Variants in PLCG1 observed in about 807,000 individuals in gnomAD.
PLCG1 encodes the protein phospholipase C gamma 1.
Under a neutral mutation model 177.8 loss-of-function variants are expected in PLCG1, and 71 were observed. The ratio of observed to expected loss-of-function variants is 0.40; its 90% CI spans 0.33 to 0.49. The LOEUF (loss-of-function observed/expected upper bound fraction) is 0.49, where lower values mean the gene tolerates loss of function less well. Ranked by LOEUF, PLCG1 falls within the 20% of genes least tolerant of loss-of-function variation. PLCG1 has a pLI of 0.72. For synonymous variants in PLCG1, 658 were observed against 647.9 expected, an observed-to-expected ratio of 1.02 and a Z score of -0.24; for missense variants, 1,281 against 1,709.0, an observed-to-expected ratio of 0.75 and a Z score of 4.42.
intron 22 of PLCG1, 121 bp from the exon 23 acceptor site, chr20:41,169,335 CT>C: frequency 1.1e-6 from 1 of 944,732 alleles, no homozygotes; most frequent in Non-Finnish European, 1.7e-6. Context: ...TCCCATATAC[CT>C]GTGCTACATT....
rs1297146533 is a variant in PLCG1 at position 41,160,504 on chromosome 20, C to T, written c.512+351C>T. Among the ~76,000 whole-genome samples the T allele has an allele frequency of 6.6e-6, 1 of 152,036 alleles. No individual in the cohort carries two copies. Among genetic ancestry groups the T allele is most frequent in the East Asian group, 1.9e-4 (1 of 5,188 alleles). Reference sequence around the variant, plus strand: ...GACCTGGTATGGCAGCCAGAGGGGCCAAGGAGAGAAGGGGGAGCAAAGACC... The same window carrying T: ...GACCTGGTATGGCAGCCAGAGGGGCTAAGGAGAGAAGGGGGAGCAAAGACC... On this transcript the variant is annotated intron_variant, in intron 4 of 31. Transcript: ENST00000685551. The surrounding 1 kb of genome is among the most constrained non-coding windows in gnomAD (Gnocchi z 5.5).
chr20:41,163,987 G>A lies in PLCG1; in HGVS notation c.1077G>A (p.Met359Ile). Residue 359 changes from methionine to isoleucine, a missense_variant, in exon 11 of 32, where the codon ATG becomes ATA. Coordinates refer to ENST00000685551, the MANE Select transcript of PLCG1 (RefSeq NM_002660.3). The surrounding 1 kb of genome is among the most constrained non-coding windows in gnomAD (Gnocchi z 5.2). ...SLEAYARCLRMGCRCIELDCW... is the reference protein window; with the variant it reads ...SLEAYARCLRIGCRCIELDCW... ...AAGCCTATGCTCGCTGCCTGCGGAT[G>A]GGCTGTCGCTGCATTGAGTGTGCGT... 6.2e-7 allele frequency: 1 copy of A among 1,614,204 alleles called. No homozygotes were observed. The highest frequency in any genetic ancestry group is 2.2e-5 in the East Asian group (1 of 44,884).
chr20:41,143,219 G>T (rs963775694), intron 1 of PLCG1, among the ~76,000 whole-genome samples: 2 of 152,180 alleles, frequency 1.3e-5, no homozygotes, highest in Non-Finnish European at 2.9e-5. Flanking sequence ...GCCTCGATGT[G>T]GTAGGGCCTG....
chr20:41,167,986 C>A lies in PLCG1; in HGVS notation c.2379+57C>A, dbSNP rs1038902751. 5.9e-6 allele frequency: 7 copies of A among 1,189,334 alleles called. No homozygotes were observed. Among genetic ancestry groups the A allele is most frequent in the Non-Finnish European group, 8.8e-6 (7 of 796,468 alleles). 73.7% of individuals were successfully genotyped at this position (1,189,334 alleles called of 1,614,324 possible). A position where few individuals can be genotyped will look rare whatever the true frequency, so the allele number is the denominator to read the frequency against. On this transcript the variant is annotated intron_variant, in intron 20 of 31. Transcript: ENST00000685551. The surrounding 1 kb of genome is among the most constrained non-coding windows in gnomAD (Gnocchi z 4.4). ...GGGGAGGGTCCCCAGCTGCTTGGGGCTTCATTTCTGTGTTCTGGGCCATCT... is the reference window on the plus strand; with the variant it reads ...GGGGAGGGTCCCCAGCTGCTTGGGGATTCATTTCTGTGTTCTGGGCCATCT...
In PLCG1 at chr20:41,163,032, C is replaced by T. The variant is rs1458324614; in HGVS notation, c.716+40C>T. On this transcript the variant is annotated intron_variant, in intron 7 of 31. Transcript: ENST00000685551. This position sits in a 1 kb window ranked among gnomAD's most constrained non-coding sequence, Gnocchi z 5.2. ...GGGGAGGTGGGGTTTTCCCTGGGCC[C>T]CCTTCATCTCTCCACTGGGCGATTC... is the stretch of plus-strand genomic sequence containing the variant. The T allele has an allele frequency of 5.0e-6, 8 of 1,599,968 alleles. No homozygotes were observed. The Admixed American group carries it at 6.7e-5, about 13-fold the overall frequency.
rs2035715419 is a variant in PLCG1, at chr20:41,166,919, C to G, written c.2301+60C>G. On this transcript the variant is annotated intron_variant, in intron 19 of 31. Coordinates refer to ENST00000685551, the MANE Select transcript of PLCG1 (RefSeq NM_002660.3). This position sits in a 1 kb window ranked among gnomAD's most constrained non-coding sequence, Gnocchi z 8.6. Reference sequence around the variant, plus strand: ...GAGGCAGGAGAGACCCAGAATCTTACCAGTCTCTGGATGTGTGTAACAGCA... The same window carrying G: ...GAGGCAGGAGAGACCCAGAATCTTAGCAGTCTCTGGATGTGTGTAACAGCA... The G allele has an allele frequency of 2.7e-6, 4 of 1,485,088 alleles. No homozygotes were observed. The highest frequency in any genetic ancestry group is 3.7e-6 in the Non-Finnish European group (4 of 1,067,212). The allele number at this position is 1,485,088 out of a possible 1,614,324, so 92.0% of individuals were successfully genotyped here. A position where few individuals can be genotyped will look rare whatever the true frequency, so the allele number is the denominator to read the frequency against.
At position 41,164,226 on chromosome 20, in the gene PLCG1, G is replaced by A. The variant is rs749351221; in HGVS notation, c.1217+25G>A. The A allele has an allele frequency of 6.2e-7, 1 of 1,613,256 alleles. No homozygotes were observed. The highest frequency in any genetic ancestry group is 1.1e-5 in the South Asian group (1 of 91,026). ...AGTGAGTCGGAGGCTGGATGACCCA[G>A]GGGTTAACTTGGCTCCAGGTCTCTC... On this transcript the variant is annotated intron_variant, in intron 12 of 31. Coordinates refer to ENST00000685551, the MANE Select transcript of PLCG1 (RefSeq NM_002660.3). The surrounding 1 kb of genome is among the most constrained non-coding windows in gnomAD (Gnocchi z 6.4).
At position 41,170,664 on chromosome 20, in the gene PLCG1, C is replaced by T. The variant is rs193279067; in HGVS notation, c.2808+395C>T. The T allele has an allele frequency of 1.7e-3, 287 of 168,994 alleles. 1 individual carries two copies. Among genetic ancestry groups the T allele is most frequent in the Middle Eastern group, 2.6e-3 (1 of 384 alleles). 10.5% of individuals were successfully genotyped at this position (168,994 alleles called of 1,614,324 possible). On this transcript the variant is annotated intron_variant, in intron 24 of 31. Transcript: ENST00000685551. ...GAAGCTCCATATGAGAAGGCATGGG[C>T]GAGGAAAGGAGCCCAGGAAAGGCAG... is the stretch of plus-strand genomic sequence containing the variant.
At position 41,149,314 on chromosome 20, in the gene PLCG1, A is replaced by G. The variant is rs35371372; in HGVS notation, c.218-10292A>G. Among the ~76,000 whole-genome samples, 1,695 of 152,240 alleles carry G rather than the reference A, an allele frequency of 0.011. 192 individuals are homozygous for G. The East Asian group carries it at 0.26, about 23-fold the overall frequency. On this transcript the variant is annotated intron_variant, in intron 1 of 31. Transcript: ENST00000685551. ...GTATCTAGTTTAATGTCTCTCATGT[A>G]GGTGCTCAGAACGTATGGTTAATTT... is the stretch of plus-strand genomic sequence containing the variant.
At position 41,172,498 on chromosome 20, in the gene PLCG1, G is replaced by A; in HGVS notation, c.2983G>A (p.Ala995Thr). ...ETKAEKYVNKAKGKKFLQYNR... is the reference protein window; with the variant it reads ...ETKAEKYVNKTKGKKFLQYNR... ...CAAGGCTGAGAAATACGTGAACAAGGCCAAAGGCAAGAAGTTCCTTCAGTA... is the reference window on the plus strand; with the variant it reads ...CAAGGCTGAGAAATACGTGAACAAGACCAAAGGCAAGAAGTTCCTTCAGTA... The change falls in exon 26 of 32, where the codon GCC becomes ACC. Residue 995 changes from alanine (A) to threonine (T), a missense_variant. Physicochemically the swap from Ala to Thr is moderately conservative, Grantham distance 58. Around this residue, in one of 4 missense-constraint regions of PLCG1, gnomAD observed 723 missense variants for 1,030.0 expected, o/e 0.70. Coordinates refer to ENST00000685551, the MANE Select transcript of PLCG1 (RefSeq NM_002660.3). This position sits in a 1 kb window ranked among gnomAD's most constrained non-coding sequence, Gnocchi z 7.0. The A allele has an allele frequency of 6.2e-7, 1 of 1,614,174 alleles. No homozygotes were observed.
At position 41,174,822 on chromosome 20, in the gene PLCG1, GGA is replaced by G. The variant is rs1400819535; in HGVS notation, c.*321_*322del. 6.4e-5 allele frequency: 24 copies of G among 372,244 alleles called. No individual in the cohort carries two copies. The Admixed American group carries it at 1.0e-3, about 16-fold the overall frequency. 23.1% of individuals were successfully genotyped at this position (372,244 alleles called of 1,614,324 possible). On this transcript the variant is annotated 3_prime_UTR_variant, in exon 32 of 32. Coordinates refer to ENST00000685551, the MANE Select transcript of PLCG1 (RefSeq NM_002660.3). The surrounding 1 kb of genome is among the most constrained non-coding windows in gnomAD (Gnocchi z 5.8). ...GCCAGGACCATGGCCGAAGCCCCTTGGAGAGAGAGGCTGCCTCAGCCAGTGGC... is the reference window on the plus strand; with the variant it reads ...GCCAGGACCATGGCCGAAGCCCCTTGGAGAGAGGCTGCCTCAGCCAGTGGC...
rs1012963254 is a variant in PLCG1 at position 41,165,204 on chromosome 20, G to A, written c.1387-41G>A. ...AAACCTGGGTGAGGAGGTGGGGTGAGGACTGGGGTCTGCATTGCCCTGTTC... is the reference window on the plus strand; with the variant it reads ...AAACCTGGGTGAGGAGGTGGGGTGAAGACTGGGGTCTGCATTGCCCTGTTC... On this transcript the variant is annotated intron_variant, in intron 13 of 31. Transcript: ENST00000685551. This position sits in a 1 kb window ranked among gnomAD's most constrained non-coding sequence, Gnocchi z 6.6. The A allele has an allele frequency of 1.2e-6, 2 of 1,611,792 alleles. No homozygotes were observed. The highest frequency in any genetic ancestry group is 1.7e-6 in the Non-Finnish European group (2 of 1,178,776).
chr20:41,174,679 T>C lies in PLCG1; in HGVS notation c.*170T>C, dbSNP rs2036009088. On this transcript the variant is annotated 3_prime_UTR_variant, in exon 32 of 32. Coordinates refer to ENST00000685551, the MANE Select transcript of PLCG1 (RefSeq NM_002660.3). The surrounding 1 kb of genome is among the most constrained non-coding windows in gnomAD (Gnocchi z 5.8). The stretch of plus-strand genomic sequence containing the variant: ...AAACCAAGCCATTAATGAGATGTTA[T>C]TACTGTTTTGGGCCTCCATGCCCCA... 1 of 646,120 alleles carries C rather than the reference T, an allele frequency of 1.5e-6. No homozygotes were observed. The highest frequency in any genetic ancestry group is 2.7e-6 in the Non-Finnish European group (1 of 364,250). The allele number at this position is 646,120 out of a possible 1,614,324, so 40.0% of individuals were successfully genotyped here.
intron 1 of PLCG1, among the ~76,000 whole-genome samples, chr20:41,152,474 C>T (rs1278396518): frequency 1.3e-5 from 2 of 152,252 alleles, no homozygotes; most frequent in African/African-American, 2.4e-5. Flanking sequence ...ACCTCACTGA[C>T]CACTGCATTT....
Position 41,144,634 on chromosome 20 carries a change from C to G in PLCG1, c.217+6776C>G, listed in dbSNP as rs1184625511. 1.3e-5 allele frequency among the ~76,000 whole-genome samples: 2 copies of G among 152,230 alleles called. No individual in the cohort carries two copies. Among genetic ancestry groups the G allele is most frequent in the African/African-American group, 4.8e-5 (2 of 41,440 alleles). On this transcript the variant is annotated intron_variant, in intron 1 of 31. Coordinates refer to ENST00000685551, the MANE Select transcript of PLCG1 (RefSeq NM_002660.3). This position sits in a 1 kb window ranked among gnomAD's most constrained non-coding sequence, Gnocchi z 4.1. ...CTACAGAACATGGGAACCTGGGGCT[C>G]CATGCCCCAAATATCCTGAGAAGGG...
chr20:41,159,769 AG>A lies in PLCG1; in HGVS notation c.370+16del, dbSNP rs756455045. On this transcript the variant is annotated intron_variant, in intron 2 of 31. Coordinates refer to ENST00000685551, the MANE Select transcript of PLCG1 (RefSeq NM_002660.3). This position sits in a 1 kb window ranked among gnomAD's most constrained non-coding sequence, Gnocchi z 6.0. ...CGCTGAGCCTGCAAGGTGGGAGTTA[AG>A]GGGGTAGAGGAGGTAGAGGATAGTT... is the stretch of plus-strand genomic sequence containing the variant. The A allele has an allele frequency of 6.2e-7, 1 of 1,614,154 alleles. No homozygotes were observed. The highest frequency in any genetic ancestry group is 1.1e-5 in the South Asian group (1 of 91,080).
At position 41,165,416 on chromosome 20, in the gene PLCG1, C is replaced by T. The variant is rs1216817235; in HGVS notation, c.1510-34C>T. The T allele has an allele frequency of 3.1e-6, 5 of 1,613,468 alleles. No individual in the cohort carries two copies. In the African/African-American group the frequency reaches 4.0e-5, roughly 13 times the overall value. On this transcript the variant is annotated intron_variant, in intron 14 of 31. Coordinates refer to ENST00000685551, the MANE Select transcript of PLCG1 (RefSeq NM_002660.3). This position sits in a 1 kb window ranked among gnomAD's most constrained non-coding sequence, Gnocchi z 6.6. ...GTGGTAGGCCAGTGGGTGTGAGGAC[C>T]CTGGCTCACAAGTCCCTCTTTGGTC...
In PLCG1 at chr20:41,174,248, C is replaced by T. The variant is rs1035095665; in HGVS notation, c.3770C>T (p.Pro1257Leu). 1.2e-5 allele frequency: 20 copies of T among 1,614,080 alleles called. No homozygotes were observed. The highest frequency in any genetic ancestry group is 3.3e-5 in the Admixed American group (2 of 60,010). The change falls in exon 31 of 32, where the codon CCG becomes CTG. Residue 1257 changes from proline (P) to leucine (L), a missense_variant. This residue lies in a region of PLCG1 where 153 missense variants were observed against 153.2 expected (regional missense o/e 1.00). Coordinates refer to ENST00000685551, the MANE Select transcript of PLCG1 (RefSeq NM_002660.3). The surrounding 1 kb of genome is among the most constrained non-coding windows in gnomAD (Gnocchi z 5.8). ...EGSFESRYQQ[P>L]FEDFRISQEH... ...TCCTTTGAATCCCGCTACCAGCAGC[C>T]GTTTGAGGACTTCCGCATCTCCCAG...
chr20:41,168,811 C>CCTTCACCAA lies in PLCG1; in HGVS notation c.2424_2425insCTTCACCAA (p.Asp808_Glu809insLeuHisGln). 6.2e-7 allele frequency: 1 copy of CCTTCACCAA among 1,612,752 alleles called. No individual in the cohort carries two copies. Among genetic ancestry groups the CCTTCACCAA allele is most frequent in the Non-Finnish European group, 8.5e-7 (1 of 1,179,360 alleles). On this transcript the variant is annotated inframe_insertion, in exon 21 of 32. Coordinates refer to ENST00000685551, the MANE Select transcript of PLCG1 (RefSeq NM_002660.3). Reference sequence around the variant, plus strand: ...TTGACTACAAGGCCCAGAGGGAGGACGAGCTGACCTTCATCAAGAGCGCCA... The same window carrying CCTTCACCAA: ...TTGACTACAAGGCCCAGAGGGAGGACCTTCACCAAGAGCTGACCTTCATCAAGAGCGCCA...
Sources: allele counts gnomAD v4.1 joint callset (sites outside exome capture counted in the v4.1 genomes callset), GRCh38; gene constraint gnomAD v4.1.1; regional missense constraint gnomAD v4.1.1; non-coding constraint Gnocchi (gnomAD v3.1); transcripts MANE v1.5; gene names NCBI Gene and HGNC (gene_info 2026-07-23, HGNC 2026-07-21).